Variants in NUFIP1 observed in about 807,000 individuals in gnomAD.
NUFIP1 encodes the protein nuclear FMR1 interacting protein 1.
In NUFIP1, 38 loss-of-function variants were observed where a neutral mutation model predicts 56.2. That is an observed-to-expected ratio of 0.68 (90% confidence interval 0.52 to 0.89). The LOEUF (loss-of-function observed/expected upper bound fraction) is 0.89. NUFIP1 is among the 40% of genes least tolerant of loss of function. The pLI is 0.00. For synonymous variants in NUFIP1, 215 were observed against 212.4 expected, an observed-to-expected ratio of 1.01 and a Z score of -0.10; for missense variants, 567 against 605.8, an observed-to-expected ratio of 0.94 and a Z score of 0.67.
At chr13:44,968,298 G>A (rs1871681245) in intron 5 of NUFIP1, among the ~76,000 whole-genome samples, 1 of 151,970 alleles carries the variant, frequency 6.6e-6, no homozygotes, top group Non-Finnish European at 1.5e-5. Context: ...AGTAGACTCT[G>A]GCACTTGTAC....
intron 7 of NUFIP1, among the ~76,000 whole-genome samples, chr13:44,955,464 G>A (rs140798166): frequency 2.4e-4 from 37 of 152,372 alleles, no homozygotes; most frequent in Admixed American, 9.1e-4. Context: ...TAAAATGTGA[G>A]TGCTGATGTC....
intron 7 of NUFIP1, 45 bp from the exon 8 acceptor site, chr13:44,949,883 A>G (rs761536536): frequency 8.3e-7 from 1 of 1,210,750 alleles, no homozygotes; most frequent in Non-Finnish European, 1.2e-6. Context: ...CCACCATAAA[A>G]AAGCTGTCCA....
chr13:44,979,358 G>T, intron 4 of NUFIP1, 92 bp from the exon 5 acceptor site: 3 of 1,000,698 alleles, frequency 3.0e-6, no homozygotes, highest in Non-Finnish European at 3.0e-6. Context: ...AACTTATGTT[G>T]GACACAATTT....
chr13:44,983,489 T>TAA (rs1157611321), intron 1 of NUFIP1, among the ~76,000 whole-genome samples: 16 of 112,044 alleles, frequency 1.4e-4, no homozygotes, highest in Admixed American at 2.7e-4. Flanking sequence ...CCGTCTCAAA[T>TAA]AAAAAAAAAA....
chr13:44,973,687 G>C (rs1871878591), intron 5 of NUFIP1, among the ~76,000 whole-genome samples: 1 of 152,188 alleles, frequency 6.6e-6, no homozygotes, highest in Non-Finnish European at 1.5e-5. Context: ...GCAGAAAGGA[G>C]ATACCATATT....
intron 1 of NUFIP1, among the ~76,000 whole-genome samples, chr13:44,986,336 ATTCAAGAC>A (rs947983538): frequency 1.3e-5 from 2 of 152,210 alleles, no homozygotes; most frequent in African/African-American, 4.8e-5. Flanking sequence ...ATTTTGAGGA[ATTCAAGAC>A]TTCAGTGGAG....
At chr13:44,988,090 A>G (rs1233683422) in intron 1 of NUFIP1, among the ~76,000 whole-genome samples, 2 of 152,146 alleles carry the variant, frequency 1.3e-5, no homozygotes, top group Admixed American at 1.3e-4. Context: ...CTTCGCTCAT[A>G]TGTCACCTTC....
At chr13:44,961,426 T>C (rs959933860) in intron 6 of NUFIP1, among the ~76,000 whole-genome samples, 1 of 152,214 alleles carries the variant, frequency 6.6e-6, no homozygotes, top group African/African-American at 2.4e-5. Context: ...ATAAATACAG[T>C]ACTTCACAGA....
At position 44,943,681 on chromosome 13, in the gene NUFIP1, G is replaced by A; in HGVS notation, c.1139-7C>T. Reference sequence around the variant, plus strand: ...TCAGTCTTGATGGGAGTTTCTAAGTGTGATGAAAAACAAACACAAAAATAA... The same window carrying A: ...TCAGTCTTGATGGGAGTTTCTAAGTATGATGAAAAACAAACACAAAAATAA... On this transcript the variant is annotated splice_region_variant and splice_polypyrimidine_tract_variant and intron_variant, in intron 8 of 9. Coordinates refer to ENST00000379161, the MANE Select transcript of NUFIP1 (RefSeq NM_012345.3). 1 of 1,592,784 alleles carries A rather than the reference G, an allele frequency of 6.3e-7. No homozygotes were observed. Among genetic ancestry groups the A allele is most frequent in the Non-Finnish European group, 8.5e-7 (1 of 1,170,736 alleles).
chr13:44,979,460 T>C, intron 4 of NUFIP1, among the ~76,000 whole-genome samples, 194 bp from the exon 5 acceptor site: 1 of 152,342 alleles, frequency 6.6e-6, no homozygotes. Flanking sequence ...GTGCTATTAA[T>C]AGAGGGAAAA....
At chr13:44,973,840 C>T (rs1871883212) in intron 5 of NUFIP1, among the ~76,000 whole-genome samples, 1 of 152,098 alleles carries the variant, frequency 6.6e-6, no homozygotes, top group South Asian at 2.1e-4. Flanking sequence ...ACGAACAAAA[C>T]TAAAAGGGCG....
chr13:44,980,613 T>C (rs1872153600), intron 3 of NUFIP1, 109 bp downstream of exon 3: 5 of 805,666 alleles, frequency 6.2e-6, no homozygotes, highest in South Asian at 1.6e-5. Context: ...ACTATATCTC[T>C]ACAGAAACTA....
intron 7 of NUFIP1, among the ~76,000 whole-genome samples, chr13:44,952,272 G>A (rs911320576): frequency 3.3e-5 from 5 of 152,018 alleles, no homozygotes; most frequent in African/African-American, 4.8e-5. Context: ...TTACAGGCAC[G>A]TGCCACCACA....
chr13:44,963,034 G>A (rs1269504899), intron 6 of NUFIP1, among the ~76,000 whole-genome samples: 1 of 151,680 alleles, frequency 6.6e-6, no homozygotes. Flanking sequence ...GTCATTAAGT[G>A]ACACATTGTA....
chr13:44,989,320 G>T lies in NUFIP1; in HGVS notation c.117C>A (p.Phe39Leu). Residue 39 changes from phenylalanine (F) to leucine (L), a missense_variant, in exon 1 of 10, where the codon TTC becomes TTA. By Grantham distance (22) the Phe-to-Leu change is conservative. Transcript: ENST00000379161. ...DTAPPRDSWM[F>L]WAMLPPPPPP... is the part of the protein sequence containing the mutation. The stretch of plus-strand genomic sequence containing the variant: ...GTGGCGGTGGCGGCAGCATTGCCCA[G>T]AACATCCAGCTGTCCCGCGGCGGGG... 4 of 1,613,322 alleles carry T rather than the reference G, an allele frequency of 2.5e-6. No homozygotes were observed. The highest frequency in any genetic ancestry group is 3.4e-6 in the Non-Finnish European group (4 of 1,179,834).
At chr13:44,985,343 T>C (rs1207666242) in intron 1 of NUFIP1, among the ~76,000 whole-genome samples, 2 of 152,200 alleles carry the variant, frequency 1.3e-5, no homozygotes, top group Non-Finnish European at 2.9e-5. Flanking sequence ...AACTTTAAAT[T>C]ATCCTTCTCT....
intron 8 of NUFIP1, among the ~76,000 whole-genome samples, chr13:44,947,239 T>C (rs1258406366): frequency 1.4e-5 from 2 of 147,350 alleles, no homozygotes; most frequent in African/African-American, 5.0e-5. Context: ...TATTCCTTTT[T>C]TTTTTTTTTT....
At chr13:44,961,847 G>A (rs181211669) in intron 6 of NUFIP1, among the ~76,000 whole-genome samples, 6 of 152,242 alleles carry the variant, frequency 3.9e-5, no homozygotes, top group African/African-American at 1.4e-4. Flanking sequence ...CATCATTAAG[G>A]TATTCACTAA....
At position 44,980,789 on chromosome 13, in the gene NUFIP1, C is replaced by A. The variant is rs1259042732; in HGVS notation, c.527G>T (p.Cys176Phe). 7 of 1,600,606 alleles carry A rather than the reference C, an allele frequency of 4.4e-6. No individual in the cohort carries two copies. The African/African-American group carries it at 6.8e-5, about 15-fold the overall frequency. ...TTTAAAACCACGATCACAGGTATCA[C>A]AAAAAAAGTGAAAAACTGGTTCCTT... ...KRKEPVFHFF[C>F]DTCDRGFKNQ... The change falls in exon 3 of 10, where the codon TGT becomes TTT. Residue 176 changes from cysteine (C) to phenylalanine (F), a missense_variant. Coordinates refer to ENST00000379161, the MANE Select transcript of NUFIP1 (RefSeq NM_012345.3).
Sources: allele counts gnomAD v4.1 joint callset (sites outside exome capture counted in the v4.1 genomes callset), GRCh38; gene constraint gnomAD v4.1.1; transcripts MANE v1.5; gene names NCBI Gene and HGNC (gene_info 2026-07-23, HGNC 2026-07-21).